The following GRID2 variants were observed in gnomAD, a reference collection of about 807,000 sequenced individuals.
GRID2 encodes the protein glutamate ionotropic receptor delta type subunit 2.
GRID2 carries 33 observed loss-of-function variants against 114.8 expected under a neutral mutation model. That is an observed-to-expected ratio of 0.29 (90% confidence interval 0.22 to 0.38). The LOEUF (loss-of-function observed/expected upper bound fraction) is 0.38. Ranked by LOEUF, GRID2 falls within the 10% of genes least tolerant of loss-of-function variation. The pLI, the probability that GRID2 is intolerant of heterozygous loss-of-function variation, is 1.00. For missense variants in GRID2, 1,184 were observed against 1,257.7 expected (o/e 0.94, Z 0.89); for synonymous variants, 505 against 449.9 (o/e 1.12, Z -1.55).
At chr4:93,498,333 T>A (rs1056792918) in intron 12 of GRID2, among the ~76,000 whole-genome samples, 14 of 151,892 alleles carry the variant, frequency 9.2e-5, no homozygotes, top group South Asian at 4.2e-4. Context: ...TCCATCAAGC[T>A]TTTTTATAAG....
chr4:93,487,762 T>C (rs890833088), intron 11 of GRID2, among the ~76,000 whole-genome samples: 2 of 151,962 alleles, frequency 1.3e-5, no homozygotes, highest in African/African-American at 4.8e-5. Context: ...TCCAGGACTC[T>C]GGGCCTATAA....
chr4:93,376,145 A>G (rs544671187), intron 8 of GRID2, among the ~76,000 whole-genome samples: 2 of 152,252 alleles, frequency 1.3e-5, no homozygotes, highest in East Asian at 3.9e-4. Flanking sequence ...CCCTATCTTC[A>G]AATGCATTGT....
chr4:93,764,145 C>G (rs915000359), intron 14 of GRID2, among the ~76,000 whole-genome samples: 1 of 152,116 alleles, frequency 6.6e-6, no homozygotes, highest in African/African-American at 2.4e-5. Context: ...TAAAAAGGCT[C>G]TTCAAGATGA....
intron 14 of GRID2, among the ~76,000 whole-genome samples, chr4:93,725,843 T>C (rs1176211546): frequency 4.6e-5 from 7 of 152,170 alleles, no homozygotes; most frequent in African/African-American, 1.4e-4. Context: ...TGTTTTTTTC[T>C]TGTAAATTTG....
At chr4:92,569,361 CCTGT>C (rs78488646) in intron 1 of GRID2, among the ~76,000 whole-genome samples, 17,352 of 151,946 alleles carry the variant, frequency 0.11, 1,388 homozygotes, top group African/African-American at 0.23. Flanking sequence ...TTTTCTTTAT[CCTGT>C]CTAACATTGA....
intron 2 of GRID2, among the ~76,000 whole-genome samples, chr4:92,934,090 G>A (rs1225457740): frequency 6.6e-6 from 1 of 151,664 alleles, no homozygotes; most frequent in African/African-American, 2.4e-5. Flanking sequence ...AAAAATTATT[G>A]AGGCCTGAAA....
intron 2 of GRID2, among the ~76,000 whole-genome samples, chr4:92,719,950 T>C (rs1338943193): frequency 2.0e-5 from 3 of 152,118 alleles, no homozygotes; most frequent in African/African-American, 7.2e-5. Flanking sequence ...ACGGTTTTAT[T>C]ATTTAAGGAT....
At chr4:93,668,375 T>C (rs899163622) in intron 14 of GRID2, among the ~76,000 whole-genome samples, 5 of 65,454 alleles carry the variant, frequency 7.6e-5, no homozygotes, top group African/African-American at 2.0e-4. Context: ...GTTGTTCTCT[T>C]TTTTTTTGCA....
At chr4:93,744,897 A>G (rs1196987304) in intron 14 of GRID2, among the ~76,000 whole-genome samples, 1 of 152,234 alleles carries the variant, frequency 6.6e-6, no homozygotes, top group Non-Finnish European at 1.5e-5. Context: ...CTGATCAGTT[A>G]CCAGCTGTCA....
chr4:92,652,743 G>C (rs902050230), intron 2 of GRID2, among the ~76,000 whole-genome samples: 1 of 141,812 alleles, frequency 7.1e-6, no homozygotes, highest in Non-Finnish European at 1.5e-5. Flanking sequence ...GGCTGGGGGG[G>C]TTGGGGGGTG....
chr4:92,313,912 T>C (rs1725833902), intron 1 of GRID2, among the ~76,000 whole-genome samples: 1 of 151,994 alleles, frequency 6.6e-6, no homozygotes, highest in Non-Finnish European at 1.5e-5. Context: ...AGGAAGGGGA[T>C]ATTAGGTTAA....
At chr4:92,666,259 A>G (rs919797441) in intron 2 of GRID2, among the ~76,000 whole-genome samples, 2 of 151,484 alleles carry the variant, frequency 1.3e-5, no homozygotes, top group Non-Finnish European at 3.0e-5. Context: ...CCTTTTAGTT[A>G]TTTTTAAAAT....
intron 8 of GRID2, among the ~76,000 whole-genome samples, chr4:93,253,035 G>A (rs2149534482): frequency 6.6e-6 from 1 of 151,628 alleles, no homozygotes; most frequent in Non-Finnish European, 1.5e-5. Flanking sequence ...AGATCACGAG[G>A]TCAGGAGATC....
chr4:92,671,672 G>A (rs1318846139), intron 2 of GRID2, among the ~76,000 whole-genome samples: 2 of 152,078 alleles, frequency 1.3e-5, no homozygotes, highest in Admixed American at 1.3e-4. Flanking sequence ...TGGAAGTGTT[G>A]CGTAAAAGTA....
At chr4:93,062,654 C>T (rs1034516102) in intron 2 of GRID2, among the ~76,000 whole-genome samples, 7 of 152,060 alleles carry the variant, frequency 4.6e-5, no homozygotes, top group South Asian at 2.1e-4. Context: ...TTGTCAAAGT[C>T]ACTTCAGGGC....
intron 13 of GRID2, among the ~76,000 whole-genome samples, chr4:93,594,201 C>A (rs1171970012): frequency 8.0e-6 from 1 of 125,478 alleles, no homozygotes; most frequent in Non-Finnish European, 1.7e-5. Context: ...TACTTTTGGT[C>A]TTTGGTATGG....
intron 9 of GRID2, 109 bp from the exon 10 acceptor site, chr4:93,422,662 C>T (rs1768407083): frequency 2.9e-6 from 2 of 678,426 alleles, no homozygotes; most frequent in African/African-American, 1.8e-5. Context: ...TTGATTCTTT[C>T]AAAGTATAAA....
At chr4:93,124,473 AT>A (rs1383990778) in intron 4 of GRID2, among the ~76,000 whole-genome samples, 2 of 152,164 alleles carry the variant, frequency 1.3e-5, no homozygotes, top group Non-Finnish European at 2.9e-5. Flanking sequence ...TATTAATTCC[AT>A]TTCCAGACCA....
intron 2 of GRID2, among the ~76,000 whole-genome samples, chr4:92,646,513 T>C (rs1731634358): frequency 6.6e-6 from 1 of 152,058 alleles, no homozygotes; most frequent in South Asian, 2.1e-4. Context: ...ATCATGAATA[T>C]TTATGTTTTC....
Sources: gnomAD v4.1 joint callset for allele counts (sites outside exome capture counted in the v4.1 genomes callset) on GRCh38, gnomAD v4.1.1 for gene constraint, MANE v1.5 for transcripts, NCBI Gene and HGNC (gene_info 2026-07-23, HGNC 2026-07-21) for gene names.